Variants in EPB42 observed in about 807,000 individuals in gnomAD.
The protein encoded by EPB42 is protein 4.2.
A neutral mutation model predicts 76.9 loss-of-function variants in EPB42; 49 were observed. The observed-to-expected ratio is 0.64, with a 90% CI of 0.51 to 0.81. The LOEUF is 0.81. EPB42 is among the 30% of genes least tolerant of loss of function. EPB42 has a pLI of 0.00. For missense variants in EPB42, 731 were observed against 867.6 expected (o/e 0.84, Z 1.98); for synonymous variants, 310 against 338.4 (o/e 0.92, Z 0.92).
At chr15:43,208,483 C>T in intron 7 of EPB42, 150 bp from the exon 8 acceptor site, 1 of 1,412,114 alleles carries the variant, frequency 7.1e-7, no homozygotes, top group East Asian at 2.3e-5. Flanking sequence ...AAGGGGCGTG[C>T]ACACCATCAC....
At position 43,206,733 on chromosome 15, in the gene EPB42, CA is replaced by C; in HGVS notation, c.1319-105del. 7.2e-7 allele frequency: 1 copy of C among 1,393,368 alleles called. No homozygotes were observed. The highest frequency in any genetic ancestry group is 1.4e-5 in the African/African-American group (1 of 70,686). 86.3% of individuals were successfully genotyped at this position (1,393,368 alleles called of 1,614,324 possible). ...CATTTACCCACTTCTGCTCAAATGCCAAAGTCACAAGAACTCAGCAAGCCTC... is the reference window on the plus strand; with the variant it reads ...CATTTACCCACTTCTGCTCAAATGCCAAGTCACAAGAACTCAGCAAGCCTC... On this transcript the variant is annotated intron_variant, in intron 9 of 12. Transcript: ENST00000441366. This position sits in a 1 kb window ranked among gnomAD's most constrained non-coding sequence, Gnocchi z 4.7.
chr15:43,207,440 G>C lies in EPB42; in HGVS notation c.1077C>G (p.Val359=). The part of the protein sequence containing the change: ...LHPSAPNGGG[V]LGSCDLVPVR... The stretch of plus-strand genomic sequence containing the variant: ...CCGGCACCAGATCACAGGACCCCAG[G>C]ACTGAGGGAGAGAAAGGTTGGTGAG... Residue 359 remains valine, a splice_region_variant and synonymous_variant, in exon 9 of 13, where the codon GTC becomes GTG. Coordinates refer to ENST00000441366, the MANE Select transcript of EPB42 (RefSeq NM_001114134.2). The C allele has an allele frequency of 1.2e-6, 2 of 1,613,662 alleles. No individual in the cohort carries two copies. Among genetic ancestry groups the C allele is most frequent in the Non-Finnish European group, 1.7e-6 (2 of 1,180,032 alleles).
chr15:43,209,476 C>G (rs1167507241), intron 5 of EPB42, 25 bp from the exon 6 acceptor site: 2 of 1,600,198 alleles, frequency 1.2e-6, no homozygotes, highest in South Asian at 1.1e-5. Flanking sequence ...GTGTGGATGT[C>G]AGTATGAGTC....
At chr15:43,209,489 T>C in intron 5 of EPB42, 38 bp from the exon 6 acceptor site, 1 of 1,589,716 alleles carries the variant, frequency 6.3e-7, no homozygotes. Context: ...TATGAGTCCC[T>C]TGGGCAGGAC....
chr15:43,199,109 C>T (rs2042091095), intron 12 of EPB42, among the ~76,000 whole-genome samples: 2 of 152,192 alleles, frequency 1.3e-5, no homozygotes, highest in Admixed American at 1.3e-4. Flanking sequence ...GGGTCAGAGC[C>T]CCCACACAGA....
upstream of EPB42, chr15:43,221,137 A>G: frequency 2.5e-6 from 1 of 399,728 alleles, no homozygotes; most frequent in Non-Finnish European, 4.7e-6. Context: ...AGGGGGTGGG[A>G]TGGGGAAGAC....
At chr15:43,199,638 T>C (rs575440025) in intron 12 of EPB42, among the ~76,000 whole-genome samples, 1 of 152,208 alleles carries the variant, frequency 6.6e-6, no homozygotes, top group African/African-American at 2.4e-5. Flanking sequence ...GAAGGCATGA[T>C]TGGTTTTGAA....
rs749832086 is a variant in EPB42, at chr15:43,209,254, C to T, written c.832+20G>A. ...ACAACCCAGGAGGCAGGGCACTCTA[C>T]AGGAGACAAGGGGACCAACCTGTGC... On this transcript the variant is annotated intron_variant, in intron 6 of 12. Transcript: ENST00000441366. 5 of 1,613,736 alleles carry T rather than the reference C, an allele frequency of 3.1e-6. No individual in the cohort carries two copies. In the East Asian group the frequency reaches 6.7e-5, roughly 22 times the overall value.
At chr15:43,202,019 A>C in intron 11 of EPB42, 42 bp from the exon 12 acceptor site, 1 of 1,612,874 alleles carries the variant, frequency 6.2e-7, no homozygotes, top group South Asian at 1.1e-5. Context: ...CCAAGGGCAC[A>C]GCTGCAGTCA....
chr15:43,211,377 A>G, intron 4 of EPB42, 39 bp downstream of exon 4: 1 of 1,256,394 alleles, frequency 8.0e-7, no homozygotes, highest in African/African-American at 1.5e-5. Context: ...GTTATGGGAC[A>G]GTCACTCTAC....
At chr15:43,202,202 C>A (rs1485688915) in intron 11 of EPB42, among the ~76,000 whole-genome samples, 8 of 152,162 alleles carry the variant, frequency 5.3e-5, no homozygotes, top group South Asian at 2.1e-4. Flanking sequence ...TCTATGCAGA[C>A]CCCTTGGAGG....
intron 12 of EPB42, 59 bp downstream of exon 12, chr15:43,201,785 C>T: frequency 1.2e-6 from 2 of 1,611,634 alleles, no homozygotes; most frequent in East Asian, 4.5e-5. Context: ...CTCTCTTGGG[C>T]CCTGCCTTTC....
intron 1 of EPB42, among the ~76,000 whole-genome samples, chr15:43,219,003 A>G (rs1185023635): frequency 6.6e-6 from 1 of 152,180 alleles, no homozygotes; most frequent in East Asian, 1.9e-4. Context: ...GCCTTTCACA[A>G]TACCCCAGAG....
In EPB42 at chr15:43,198,277, G is replaced by A. The variant is rs1277369819; in HGVS notation, c.1914-813C>T. Among the ~76,000 whole-genome samples the A allele has an allele frequency of 2.0e-5, 3 of 152,318 alleles. 1 individual carries two copies. The highest frequency in any genetic ancestry group is 3.9e-4 in the East Asian group (2 of 5,192). On this transcript the variant is annotated intron_variant, in intron 12 of 12. Transcript: ENST00000441366. ...AAAGCTTGGAACTTCCTAGAGACTT[G>A]TCGCATAGCTTTGCCGAAAATGCTG...
Position 43,203,130 on chromosome 15 carries a change from T to A in EPB42, c.1764A>T (p.Pro588=). The A allele has an allele frequency of 6.2e-7, 1 of 1,613,974 alleles. No individual in the cohort carries two copies. Among genetic ancestry groups the A allele is most frequent in the South Asian group, 1.1e-5 (1 of 91,062 alleles). ...TGGTGCCTACCTTGATGGCAAGGTG[T>A]GGTCTACAAATGGCAATGTCTTCCT... ...FAQEDIAICR[P]HLAIKMPEKA... The change falls in exon 11 of 13, where the codon CCA becomes CCT. Residue 588 remains proline (P), a synonymous_variant. Coordinates refer to ENST00000441366, the MANE Select transcript of EPB42 (RefSeq NM_001114134.2).
chr15:43,217,058 C>T (rs115803426), intron 1 of EPB42, among the ~76,000 whole-genome samples: 34 of 152,304 alleles, frequency 2.2e-4, no homozygotes, highest in African/African-American at 7.9e-4. Flanking sequence ...AGTATTACAA[C>T]AGTCTGTTAA....
Position 43,201,886 on chromosome 15 carries a change from G to A in EPB42, c.1871C>T (p.Ser624Phe), listed in dbSNP as rs2042131690. ...LDAPMEDCVISILGRGLIHRE... is the reference protein window; with the variant it reads ...LDAPMEDCVIFILGRGLIHRE... Reference sequence around the variant, plus strand: ...GTGAATGAGCCCCCTTCCCAGGATGGAGATCACACAGTCCTCCATGGGGGC... The same window carrying A: ...GTGAATGAGCCCCCTTCCCAGGATGAAGATCACACAGTCCTCCATGGGGGC... The change falls in exon 12 of 13, where the codon TCC (serine) becomes TTC (phenylalanine). Residue 624 changes from serine to phenylalanine, a missense_variant. Ser to Phe is a radical substitution (Grantham distance 155). Coordinates refer to ENST00000441366, the MANE Select transcript of EPB42 (RefSeq NM_001114134.2). The A allele has an allele frequency of 6.2e-7, 1 of 1,614,070 alleles. No homozygotes were observed. The highest frequency in any genetic ancestry group is 1.7e-5 in the Admixed American group (1 of 60,000).
intron 1 of EPB42, among the ~76,000 whole-genome samples, chr15:43,219,354 G>A (rs1240080130): frequency 6.6e-6 from 1 of 152,176 alleles, no homozygotes; most frequent in Non-Finnish European, 1.5e-5. Flanking sequence ...TTACTTGTAA[G>A]TTTATACAAT....
intron 12 of EPB42, among the ~76,000 whole-genome samples, chr15:43,199,116 C>G (rs1362351666): frequency 6.6e-6 from 1 of 152,238 alleles, no homozygotes; most frequent in African/African-American, 2.4e-5. Context: ...AGCCCCCACA[C>G]AGAGTCCCTG....
Sources: gnomAD v4.1 joint callset for allele counts (sites outside exome capture counted in the v4.1 genomes callset) on GRCh38, gnomAD v4.1.1 for gene constraint, Gnocchi (gnomAD v3.1) non-coding constraint, MANE v1.5 for transcripts, NCBI Gene and HGNC (gene_info 2026-07-23, HGNC 2026-07-21) for gene names.